TYW1: variants seen among roughly 807,000 people sequenced by gnomAD.
TYW1 encodes S-adenosyl-L-methionine-dependent tRNA 4-demethylwyosine synthase TYW1.
Under a neutral mutation model 96.2 loss-of-function variants are expected in TYW1, and 46 were observed. The ratio of observed to expected loss-of-function variants is 0.48; its 90% CI spans 0.38 to 0.61. TYW1 has a LOEUF of 0.61. Among genes scored for constraint, TYW1 ranks in the 20% least tolerant of loss-of-function variants. TYW1 has a pLI of 0.00. For synonymous variants in TYW1, 274 were observed against 323.0 expected (o/e 0.85, Z 1.63); for missense variants, 684 against 909.6 (o/e 0.75, Z 3.19).
Position 67,140,456 on chromosome 7 carries a change from A to G in TYW1, c.1698+22838A>G, listed in dbSNP as rs146483112. 9.7e-3 allele frequency among the ~76,000 whole-genome samples: 1,477 copies of G among 152,370 alleles called. 15 individuals are homozygous for G. Among genetic ancestry groups the G allele is most frequent in the Non-Finnish European group, 0.017 (1,128 of 68,034 alleles). On this transcript the variant is annotated intron_variant, in intron 13 of 15. Transcript: ENST00000359626. ...AATAAAGTTGGTACACTTTTAAAAA[A>G]TGTTTAAAGTTGGTACTAAAATGTC...
At chr7:67,023,454 G>A (rs113964982) in intron 6 of TYW1, among the ~76,000 whole-genome samples, 1 of 151,904 alleles carries the variant, frequency 6.6e-6, no homozygotes, top group Non-Finnish European at 1.5e-5. Context: ...TGAAAACAAA[G>A]AACTACTTCA....
chr7:67,125,034 GT>G (rs1308943725), intron 13 of TYW1, among the ~76,000 whole-genome samples: 1 of 151,888 alleles, frequency 6.6e-6, no homozygotes, highest in African/African-American at 2.4e-5. Flanking sequence ...GGTTTCACCA[GT>G]TTGGTCAGGC....
chr7:67,195,096 C>T (rs1042737810), intron 14 of TYW1, 74 bp from the exon 15 acceptor site: 18 of 1,539,266 alleles, frequency 1.2e-5, no homozygotes, highest in Admixed American at 4.1e-5. Flanking sequence ...GAAGGTTTTC[C>T]GGCTCTGAAA....
intron 10 of TYW1, among the ~76,000 whole-genome samples, chr7:67,069,996 T>A (rs1795983756): frequency 6.6e-6 from 1 of 152,228 alleles, no homozygotes; most frequent in Non-Finnish European, 1.5e-5. Flanking sequence ...AATTGTTTTG[T>A]TAGATATAGA....
intron 9 of TYW1, among the ~76,000 whole-genome samples, chr7:67,059,863 C>G (rs371439514): frequency 2.0e-5 from 3 of 147,182 alleles, no homozygotes; most frequent in East Asian, 2.0e-4. Context: ...ACCTCTGCCC[C>G]CTGGGTTCAA....
chr7:67,178,248 C>T (rs1350539554), intron 13 of TYW1, among the ~76,000 whole-genome samples: 1 of 151,978 alleles, frequency 6.6e-6, no homozygotes, highest in Admixed American at 6.6e-5. Flanking sequence ...TTCTAAGAAA[C>T]CCAAAGTAGA....
chr7:67,167,423 T>C (rs71535638), intron 13 of TYW1, among the ~76,000 whole-genome samples: 41,324 of 143,170 alleles, frequency 0.29, 6,341 homozygotes, highest in African/African-American at 0.41. Context: ...GAGCCGAGAT[T>C]GCGGCACTGC....
intron 7 of TYW1, among the ~76,000 whole-genome samples, chr7:67,032,044 A>G (rs1794688091): frequency 6.6e-6 from 1 of 151,862 alleles, no homozygotes; most frequent in African/African-American, 2.4e-5. Context: ...TGTCAATATC[A>G]TAAACAATAA....
chr7:67,228,878 G>A (rs564818715), intron 15 of TYW1, among the ~76,000 whole-genome samples: 8 of 152,290 alleles, frequency 5.3e-5, no homozygotes, highest in East Asian at 3.9e-4. Flanking sequence ...TGGATTTCCC[G>A]TATAGATGAG....
chr7:67,130,653 G>C (rs571751655), intron 13 of TYW1, among the ~76,000 whole-genome samples: 6 of 149,320 alleles, frequency 4.0e-5, no homozygotes, highest in Non-Finnish European at 8.9e-5. Flanking sequence ...GACAGAGCGA[G>C]ACTCTTAACT....
intron 7 of TYW1, among the ~76,000 whole-genome samples, chr7:67,038,275 C>T (rs1486392651): frequency 1.3e-5 from 2 of 151,906 alleles, no homozygotes; most frequent in Non-Finnish European, 2.9e-5. Context: ...TGCACTCCAG[C>T]CTGGGTGACA....
intron 9 of TYW1, among the ~76,000 whole-genome samples, chr7:67,057,264 C>A (rs558975300): frequency 7.2e-5 from 11 of 152,064 alleles, no homozygotes; most frequent in African/African-American, 2.6e-4. Context: ...CTGCCCACCT[C>A]GGCCTCCCAA....
intron 15 of TYW1, among the ~76,000 whole-genome samples, chr7:67,226,239 C>T (rs1404292309): frequency 6.6e-6 from 1 of 152,092 alleles, no homozygotes; most frequent in Non-Finnish European, 1.5e-5. Flanking sequence ...TGATAATAGC[C>T]CTTCCCTAAA....
intron 15 of TYW1, among the ~76,000 whole-genome samples, chr7:67,204,599 C>CTT (rs61194637): frequency 1.5e-5 from 2 of 133,048 alleles, no homozygotes; most frequent in East Asian, 2.2e-4. Flanking sequence ...TTCTTCTTTT[C>CTT]TTTTTTTTTT....
intron 7 of TYW1, among the ~76,000 whole-genome samples, chr7:67,035,533 T>G (rs900250531): frequency 3.9e-5 from 6 of 152,162 alleles, no homozygotes; most frequent in African/African-American, 1.2e-4. Context: ...CCTTAGACCA[T>G]CCTCAGGTTG....
intron 13 of TYW1, among the ~76,000 whole-genome samples, chr7:67,152,670 C>T (rs540687303): frequency 6.9e-4 from 105 of 152,254 alleles, no homozygotes; most frequent in African/African-American, 2.4e-3. Context: ...GGCATGATCT[C>T]GGCTCACTGT....
chr7:67,160,024 G>A (rs1198491078), intron 13 of TYW1, among the ~76,000 whole-genome samples: 1 of 151,958 alleles, frequency 6.6e-6, no homozygotes, highest in Non-Finnish European at 1.5e-5. Context: ...AGATGGTCTC[G>A]ATCTCCTGAC....
chr7:67,099,267 A>C (rs1797015546), intron 12 of TYW1, among the ~76,000 whole-genome samples: 1 of 152,096 alleles, frequency 6.6e-6, no homozygotes, highest in Non-Finnish European at 1.5e-5. Context: ...CCTTACCTCA[A>C]GTGATCCTCC....
chr7:67,182,143 A>C (rs771182368), intron 13 of TYW1, among the ~76,000 whole-genome samples: 2 of 152,176 alleles, frequency 1.3e-5, no homozygotes, highest in Non-Finnish European at 2.9e-5. Context: ...GCCATTATTA[A>C]TAATGTTGTC....
Sources: allele counts gnomAD v4.1 joint callset (sites outside exome capture counted in the v4.1 genomes callset), GRCh38; gene constraint gnomAD v4.1.1; transcripts MANE v1.5; gene names NCBI Gene and HGNC (gene_info 2026-07-23, HGNC 2026-07-21).